The following BAZ2A variants were observed in gnomAD, a reference collection of about 807,000 sequenced individuals.
BAZ2A encodes the protein bromodomain adjacent to zinc finger domain protein 2A.
BAZ2A carries 34 observed loss-of-function variants against 199.9 expected under a neutral mutation model. The observed-to-expected ratio is 0.17, with a 90% CI of 0.13 to 0.23. The LOEUF (loss-of-function observed/expected upper bound fraction) is 0.23. BAZ2A is among the 10% of genes least tolerant of loss of function. BAZ2A has a pLI of 1.00. For missense variants in BAZ2A, 2,002 were observed against 2,391.1 expected (o/e 0.84, Z 3.39); for synonymous variants, 857 against 883.9 (o/e 0.97, Z 0.54).
At chr12:56,600,156 T>A in intron 24 of BAZ2A, 45 bp downstream of exon 24, 2 of 1,612,216 alleles carry the variant, frequency 1.2e-6, no homozygotes, top group South Asian at 1.1e-5. Flanking sequence ...AGGGAACTTA[T>A]CCCTTTCTCT....
chr12:56,622,872 C>T (rs1365351322), intron 1 of BAZ2A, among the ~76,000 whole-genome samples: 1 of 152,162 alleles, frequency 6.6e-6, no homozygotes, highest in African/African-American at 2.4e-5. Context: ...CCCCACAGGG[C>T]CGAATAGGTT....
chr12:56,600,061 C>T lies in BAZ2A; in HGVS notation c.4928G>A (p.Arg1643His), dbSNP rs756116591. ...GCTCCGGCACCGCTCGAGGGTCTGG[C>T]GCCAGACACGAATGCGAGGGGTGAT... is the stretch of plus-strand genomic sequence containing the variant. ...YEITPRIRVW[R>H]QTLERCRSAA... Residue 1643 changes from arginine (R) to histidine (H), a missense_variant, in exon 25 of 29, where the codon CGC becomes CAC. Physicochemically the swap from Arg to His is conservative, Grantham distance 29. This residue lies in a region of BAZ2A where 1,081 missense variants were observed against 1,274.7 expected (regional missense o/e 0.85). Coordinates refer to ENST00000549884, the MANE Select transcript of BAZ2A (RefSeq NM_001300905.2). The T allele has an allele frequency of 8.1e-6, 13 of 1,614,002 alleles. No individual in the cohort carries two copies. The highest frequency in any genetic ancestry group is 1.7e-5 in the Admixed American group (1 of 60,012).
rs1198781751 is a variant in BAZ2A at position 56,627,660 on chromosome 12, AC to A, written c.-3+2464del. On this transcript the variant is annotated intron_variant, in intron 1 of 28. Coordinates refer to ENST00000549884, the MANE Select transcript of BAZ2A (RefSeq NM_001300905.2). ...TGCAAACTGGCAAAACCCCACCTCT[AC>A]AAAAATTACAAAAAATTAGCTGGAT... Among the ~76,000 whole-genome samples the A allele has an allele frequency of 2.6e-5, 4 of 151,410 alleles. No individual in the cohort carries two copies. The East Asian group carries it at 7.8e-4, about 30-fold the overall frequency.
At position 56,617,444 on chromosome 12, in the gene BAZ2A, C is replaced by G; in HGVS notation, c.87G>C (p.Glu29Asp). ...TGGGAGACCCGTTAGTGTAGAGGCCCTCCCCTGAGGAAGGAGAGGGTTTCA... is the reference window on the plus strand; with the variant it reads ...TGGGAGACCCGTTAGTGTAGAGGCCGTCCCCTGAGGAAGGAGAGGGTTTCA... ...SGLKPSPSSG[E>D]GLYTNGSPMN... The change falls in exon 2 of 29, where the codon GAG (glutamate) becomes GAC (aspartate). Residue 29 changes from glutamate (E) to aspartate (D), a missense_variant. By Grantham distance (45) the Glu-to-Asp change is conservative. This residue lies in a region of BAZ2A where 641 missense variants were observed against 694.5 expected (regional missense o/e 0.92). Transcript: ENST00000549884. The G allele has an allele frequency of 6.2e-7, 1 of 1,606,748 alleles. No homozygotes were observed. The highest frequency in any genetic ancestry group is 8.5e-7 in the Non-Finnish European group (1 of 1,176,742).
chr12:56,600,624 G>A (rs1886363525), intron 23 of BAZ2A, 57 bp downstream of exon 23: 2 of 1,591,470 alleles, frequency 1.3e-6, no homozygotes, highest in East Asian at 2.2e-5. Flanking sequence ...TTCTAACAGG[G>A]CATAAGGGAC....
intron 1 of BAZ2A, 82 bp downstream of exon 1, chr12:56,630,042 TG>T: frequency 1.1e-6 from 1 of 902,482 alleles, no homozygotes; most frequent in Non-Finnish European, 1.3e-6. Flanking sequence ...AAGCCGGCTC[TG>T]GAGCTTCTGT....
Position 56,601,571 on chromosome 12 carries a change from G to A in BAZ2A, c.4046C>T (p.Pro1349Leu), listed in dbSNP as rs769128156. The change falls in exon 20 of 29, where the codon CCT becomes CTT. Residue 1349 changes from proline (P) to leucine (L), a missense_variant. By Grantham distance (98) the Pro-to-Leu change is moderately conservative (BLOSUM62 -3). Transcript: ENST00000549884. Reference sequence around the variant, plus strand: ...TGGCTTGGAGGAGGCAAGCTGCTGAGGGGAGGGAGTGGGTTGGTCCTCAGA... The same window carrying A: ...TGGCTTGGAGGAGGCAAGCTGCTGAAGGGAGGGAGTGGGTTGGTCCTCAGA... ...AVSEDQPTPSPQQLASSKPMN... is the reference protein window; with the variant it reads ...AVSEDQPTPSLQQLASSKPMN... 2 of 1,613,290 alleles carry A rather than the reference G, an allele frequency of 1.2e-6. No homozygotes were observed. Among genetic ancestry groups the A allele is most frequent in the East Asian group, 2.2e-5 (1 of 44,902 alleles).
In BAZ2A at chr12:56,604,776, C is replaced by T; in HGVS notation, c.2772G>A (p.Lys924=). 1 of 1,613,770 alleles carries T rather than the reference C, an allele frequency of 6.2e-7. No homozygotes were observed. Among genetic ancestry groups the T allele is most frequent in the Admixed American group, 1.7e-5 (1 of 60,008 alleles). Residue 924 remains lysine (K), a synonymous_variant, in exon 15 of 29, where the codon AAG becomes AAA. Transcript: ENST00000549884. ...YCQSLKILGE[K]VSEIPLTRDN... is the part of the protein sequence containing the mutation. ...CTCTTGTCAGTGGGATCTCAGACAC[C>T]TTCTCCCCCAAGATCTTTAGGGACT...
intron 1 of BAZ2A, among the ~76,000 whole-genome samples, chr12:56,627,837 A>AAAAG (rs1261809137): frequency 6.6e-6 from 1 of 150,796 alleles, no homozygotes; most frequent in Admixed American, 6.6e-5. Flanking sequence ...AAAAAAAAAA[A>AAAAG]AAAGAAAGAA....
intron 1 of BAZ2A, among the ~76,000 whole-genome samples, chr12:56,619,341 A>C (rs1592607020): frequency 6.7e-6 from 1 of 148,522 alleles, no homozygotes. Context: ...GCGAGACTTC[A>C]TCTCAAAAAA....
At chr12:56,623,078 T>A (rs894041788) in intron 1 of BAZ2A, among the ~76,000 whole-genome samples, 2 of 151,570 alleles carry the variant, frequency 1.3e-5, no homozygotes, top group African/African-American at 2.4e-5. Flanking sequence ...CTACTAAAAA[T>A]AGAAAAAATT....
upstream of BAZ2A, among the ~76,000 whole-genome samples, chr12:56,637,048 G>A (rs1951463892): frequency 6.6e-6 from 1 of 152,206 alleles, no homozygotes; most frequent in Non-Finnish European, 1.5e-5. Context: ...TGGACTCAGC[G>A]GGTGGAGCTT....
intron 6 of BAZ2A, 26 bp downstream of exon 6, chr12:56,611,747 G>A (rs1173815981): frequency 6.6e-7 from 1 of 1,518,820 alleles, no homozygotes; most frequent in South Asian, 1.3e-5. Context: ...AACCAGACAG[G>A]GATAGAATAG....
At chr12:56,604,842 C>T in intron 14 of BAZ2A, 43 bp from the exon 15 acceptor site, 1 of 1,585,046 alleles carries the variant, frequency 6.3e-7, no homozygotes, top group Non-Finnish European at 8.6e-7. Context: ...GGGAAAGATG[C>T]ACAACCAAGT....
chr12:56,602,718 T>G lies in BAZ2A; in HGVS notation c.3419A>C (p.Asn1140Thr). The G allele has an allele frequency of 1.2e-6, 2 of 1,613,020 alleles. No individual in the cohort carries two copies. The highest frequency in any genetic ancestry group is 1.7e-6 in the Non-Finnish European group (2 of 1,179,056). The change falls in exon 19 of 29, where the codon AAC (asparagine) becomes ACC (threonine). Residue 1140 changes from asparagine to threonine, a missense_variant. By Grantham distance (65) the Asn-to-Thr change is moderately conservative (BLOSUM62 0). Transcript: ENST00000549884. ...ACTCCCACAGGCACACCTACCTAAG[T>G]TCCCCTCTGTTCCTTCTACAAAGAT... Reference protein sequence around the residue: ...AGIFVEGTEGNLVPEEVIKKE... With the variant: ...AGIFVEGTEGTLVPEEVIKKE...
At position 56,609,728 on chromosome 12, in the gene BAZ2A, C is replaced by A. The variant is rs1950501990; in HGVS notation, c.2092+8G>T. 6.2e-7 allele frequency: 1 copy of A among 1,611,600 alleles called. No individual in the cohort carries two copies. The highest frequency in any genetic ancestry group is 1.3e-5 in the African/African-American group (1 of 74,844). On this transcript the variant is annotated splice_region_variant and intron_variant, in intron 10 of 28. Coordinates refer to ENST00000549884, the MANE Select transcript of BAZ2A (RefSeq NM_001300905.2). Reference sequence around the variant, plus strand: ...AGCAGAATCCCAAAGTAAGAAATACCACTGTACCTTGGGCCTCCAGTTTCT... The same window carrying A: ...AGCAGAATCCCAAAGTAAGAAATACAACTGTACCTTGGGCCTCCAGTTTCT...
chr12:56,619,651 T>C (rs137900441), intron 1 of BAZ2A, among the ~76,000 whole-genome samples: 2 of 152,186 alleles, frequency 1.3e-5, no homozygotes, highest in East Asian at 3.9e-4. Context: ...CTGAGCATGA[T>C]ATATAAACCC....
At position 56,610,200 on chromosome 12, in the gene BAZ2A, C is replaced by T. The variant is rs369013055; in HGVS notation, c.1795G>A (p.Val599Met). 10 of 1,613,904 alleles carry T rather than the reference C, an allele frequency of 6.2e-6. No individual in the cohort carries two copies. The highest frequency in any genetic ancestry group is 2.7e-5 in the African/African-American group (2 of 75,020). The change falls in exon 9 of 29, where the codon GTG becomes ATG. Residue 599 changes from valine (V) to methionine (M), a missense_variant. Transcript: ENST00000549884. ...TGCTCTCGGCGGACACTGTGTACCA[C>T]GTTGCGGCTCAGGTACTAAGAGGAA... ...PEVIKYLSRN[V>M]VHSVRREHFS...
At position 56,614,132 on chromosome 12, in the gene BAZ2A, T is replaced by C. The variant is rs1486080444; in HGVS notation, c.737A>G (p.Lys246Arg). 1.2e-6 allele frequency: 2 copies of C among 1,613,488 alleles called. No individual in the cohort carries two copies. Among genetic ancestry groups the C allele is most frequent in the Non-Finnish European group, 8.5e-7 (1 of 1,179,588 alleles). The change falls in exon 4 of 29, where the codon AAG becomes AGG. Residue 246 changes from lysine to arginine, a missense_variant. This residue lies in a region of BAZ2A where 641 missense variants were observed against 694.5 expected (regional missense o/e 0.92). Transcript: ENST00000549884. ...LELEEEQPEL[K>R]MCGYNGSVPS... ...GACAGAGCCATTGTAGCCACACATC[T>C]TCAGTTCTAGGAAATCACAGGAGAG...
Sources: gnomAD v4.1 joint callset for allele counts (sites outside exome capture counted in the v4.1 genomes callset) on GRCh38, gnomAD v4.1.1 for gene constraint, gnomAD v4.1.1 regional missense constraint, MANE v1.5 for transcripts, NCBI Gene and HGNC (gene_info 2026-07-23, HGNC 2026-07-21) for gene names.